SON: variants seen among roughly 807,000 people sequenced by gnomAD.
SON encodes SON DNA and RNA binding protein, also known as protein SON.
SON carries 4 observed loss-of-function variants against 173.3 expected under a neutral mutation model. That is an observed-to-expected ratio of 0.02 (90% CI 0.01 to 0.05). SON has a LOEUF of 0.05. Ranked by LOEUF, SON falls within the 10% of genes least tolerant of loss-of-function variation. The probability of loss-of-function intolerance (pLI) is 1.00; values close to 1 mark genes in which losing one functional copy is unlikely to be tolerated. For synonymous variants in SON, 1,190 were observed against 1,105.9 expected (o/e 1.08, Z -1.51); for missense variants, 2,626 against 3,055.3 (o/e 0.86, Z 3.31).
intron 6 of SON, among the ~76,000 whole-genome samples, chr21:33,562,343 T>C (rs1437093185): frequency 6.6e-6 from 1 of 152,238 alleles, no homozygotes; most frequent in African/African-American, 2.4e-5. Context: ...ATAGTTCTTT[T>C]AAATGGTCAA....
rs2085747161 is a variant in SON at position 33,550,545 on chromosome 21, G to A, written c.1314G>A (p.Leu438=). The A allele has an allele frequency of 1.2e-6, 2 of 1,614,022 alleles. No individual in the cohort carries two copies. Among genetic ancestry groups the A allele is most frequent in the Non-Finnish European group, 1.7e-6 (2 of 1,179,982 alleles). Reference sequence around the variant, plus strand: ...CCCCTGCGACAGCAGTGCCTGAGTTGCCAGGGCCCTCTGTGACACCAGTGC... The same window carrying A: ...CCCCTGCGACAGCAGTGCCTGAGTTACCAGGGCCCTCTGTGACACCAGTGC... ...PGPPATAVPE[L]PGPSVTPVPQ... is the part of the protein sequence containing the mutation. The change falls in exon 3 of 12, where the codon TTG becomes TTA. Residue 438 remains leucine, a synonymous_variant. Coordinates refer to ENST00000356577, the MANE Select transcript of SON (RefSeq NM_138927.4).
intron 2 of SON, among the ~76,000 whole-genome samples, chr21:33,547,819 AT>A (rs1400003791): frequency 5.7e-5 from 8 of 140,830 alleles, no homozygotes; most frequent in Non-Finnish European, 1.2e-4. Flanking sequence ...GGTTCACGCC[AT>A]TGTCCTGCCT....
At chr21:33,561,571 G>A (rs1332104031) in intron 6 of SON, among the ~76,000 whole-genome samples, 1 of 152,086 alleles carries the variant, frequency 6.6e-6, no homozygotes, top group Non-Finnish European at 1.5e-5. Flanking sequence ...GAATTTCTTC[G>A]GTTCAATCAT....
intron 1 of SON, chr21:33,543,504 C>T (rs1016594721): frequency 3.9e-5 from 12 of 307,868 alleles, no homozygotes; most frequent in African/African-American, 1.3e-4. Context: ...TAGTTCCTTC[C>T]TCAGCTCCTC....
chr21:33,555,901 G>T (rs1464786635), intron 3 of SON, among the ~76,000 whole-genome samples: 1 of 152,112 alleles, frequency 6.6e-6, no homozygotes, highest in Non-Finnish European at 1.5e-5. Flanking sequence ...TGCGTGTGGG[G>T]GTTATTTAAT....
At chr21:33,557,616 G>C (rs1170669375) in intron 4 of SON, 1 of 1,548,156 alleles carries the variant, frequency 6.5e-7, no homozygotes, top group African/African-American at 1.4e-5. Flanking sequence ...TGAGCAACAC[G>C]CAGAAGCTCG....
chr21:33,557,883 T>C (rs2085997812), intron 4 of SON: 2 of 323,176 alleles, frequency 6.2e-6, no homozygotes, highest in Non-Finnish European at 1.1e-5. Flanking sequence ...CAGTAACATA[T>C]ATATTTTAAA....
intron 3 of SON, among the ~76,000 whole-genome samples, chr21:33,556,530 T>C (rs2085969346): frequency 1.3e-5 from 2 of 151,790 alleles, no homozygotes; most frequent in South Asian, 4.1e-4. Context: ...CTGGCCAATG[T>C]GGAGAAACCC....
intron 9 of SON, among the ~76,000 whole-genome samples, chr21:33,575,322 C>T (rs149659509): frequency 1.3e-5 from 2 of 152,244 alleles, no homozygotes; most frequent in African/African-American, 4.8e-5. Flanking sequence ...AGGCATGAGC[C>T]ACTGTGCCTG....
rs572225212 is a variant in SON, at chr21:33,561,322, C to T, written c.6657+1547C>T. ...AAGGTTAACTGACATGTGCAGCTGA[C>T]TTAATCTTCTTGTAGTAGCTGAATA... On this transcript the variant is annotated intron_variant, in intron 6 of 11. Transcript: ENST00000356577. Among the ~76,000 whole-genome samples, 105 of 152,078 alleles carry T rather than the reference C, an allele frequency of 6.9e-4. 2 individuals are homozygous for T. In the South Asian group the frequency reaches 8.7e-3, roughly 13 times the overall value.
At chr21:33,564,859 C>T (rs1255466436) in intron 6 of SON, among the ~76,000 whole-genome samples, 3 of 75,812 alleles carry the variant, frequency 4.0e-5, no homozygotes, top group Admixed American at 3.0e-4. Context: ...GAAACTCCAT[C>T]TCAAAAAAAA....
intron 2 of SON, among the ~76,000 whole-genome samples, chr21:33,547,287 A>C (rs62227705): frequency 0.22 from 33,819 of 151,954 alleles, 4,473 homozygotes; most frequent in Non-Finnish European, 0.29. Context: ...CGGCTTGATT[A>C]AGTTTCTTAG....
chr21:33,551,130 AGGGCAGCCTGGGGCGCCAGAGTTGCCT>A lies in SON; in HGVS notation c.1910_1936del (p.Gly637_Pro645del), dbSNP rs903349086. 6.2e-7 allele frequency: 1 copy of A among 1,612,504 alleles called. No individual in the cohort carries two copies. The highest frequency in any genetic ancestry group is 8.5e-7 in the Non-Finnish European group (1 of 1,179,244). On this transcript the variant is annotated inframe_deletion, in exon 3 of 12. Coordinates refer to ENST00000356577, the MANE Select transcript of SON (RefSeq NM_138927.4). ...TGGCAACAGGGGTGCTGGAGTTGCC[AGGGCAGCCTGGGGCGCCAGAGTTGCCT>A]GGGCAGCCTGTGGCAACTGTGGCGC...
chr21:33,551,937 T>C lies in SON; in HGVS notation c.2706T>C (p.Asp902=), dbSNP rs16990760. 432,617 of 1,613,936 alleles carry C rather than the reference T, an allele frequency of 0.27. 60,535 individuals carry two copies. The highest frequency in any genetic ancestry group is 0.29 in the Non-Finnish European group (338,803 of 1,179,898). ...AGATGTTAGCGTCTAGTACCCAAGA[T>C]TCTGCTATGTTGGGTTCAAAATCTC... ...DAQMLASSTQ[D]SAMLGSKSPD... Residue 902 remains aspartate, a synonymous_variant, in exon 3 of 12, where the codon GAT becomes GAC. Coordinates refer to ENST00000356577, the MANE Select transcript of SON (RefSeq NM_138927.4).
Position 33,551,490 on chromosome 21 carries a change from C to A in SON, c.2259C>A (p.Ser753=). ...SQMLASNTMD[S]QMLASSTMDS... Reference sequence around the variant, plus strand: ...TGCTAGCATCCAACACCATGGACTCCCAGATGTTAGCGTCTAGCACCATGG... The same window carrying A: ...TGCTAGCATCCAACACCATGGACTCACAGATGTTAGCGTCTAGCACCATGG... The change falls in exon 3 of 12, where the codon TCC becomes TCA. Residue 753 remains serine, a synonymous_variant. Transcript: ENST00000356577. 2 of 1,614,106 alleles carry A rather than the reference C, an allele frequency of 1.2e-6. No homozygotes were observed. Among genetic ancestry groups the A allele is most frequent in the Non-Finnish European group, 8.5e-7 (1 of 1,179,996 alleles).
Position 33,557,214 on chromosome 21 carries a change from T to C in SON, c.6219T>C (p.Ala2073=), listed in dbSNP as rs1280013960. Residue 2073 remains alanine, a synonymous_variant, in exon 4 of 12, where the codon GCT becomes GCC. Coordinates refer to ENST00000356577, the MANE Select transcript of SON (RefSeq NM_138927.4). Reference sequence around the variant, plus strand: ...ATGCAGCTGCCATGTGTGCTAAGGCTGGTGTCCCTTTACCACCAAACCTAA... The same window carrying C: ...ATGCAGCTGCCATGTGTGCTAAGGCCGGTGTCCCTTTACCACCAAACCTAA... The part of the protein sequence containing the change: ...KANAAAMCAK[A]GVPLPPNLKP... The C allele has an allele frequency of 6.2e-7, 1 of 1,613,304 alleles. No individual in the cohort carries two copies. Among genetic ancestry groups the C allele is most frequent in the Non-Finnish European group, 8.5e-7 (1 of 1,179,892 alleles).
chr21:33,545,252 C>T (rs2085587850), intron 1 of SON, among the ~76,000 whole-genome samples: 1 of 152,084 alleles, frequency 6.6e-6, no homozygotes, highest in South Asian at 2.1e-4. Flanking sequence ...CAGTATGACA[C>T]TAGTAGTCAA....
At position 33,550,941 on chromosome 21, in the gene SON, A is replaced by G. The variant is rs781584679; in HGVS notation, c.1710A>G (p.Pro570=). The change falls in exon 3 of 12, where the codon CCA becomes CCG. Residue 570 remains proline, a synonymous_variant. Coordinates refer to ENST00000356577, the MANE Select transcript of SON (RefSeq NM_138927.4). ...GGCAGCCTTCGGTGACTGGGGTGCC[A>G]GAGTTGCCAGGGCTGCCTTCGGCAA... is the stretch of plus-strand genomic sequence containing the variant. ...LPGQPSVTGV[P]ELPGLPSATR... is the part of the protein sequence containing the mutation. The G allele has an allele frequency of 9.0e-5, 144 of 1,603,192 alleles. No individual in the cohort carries two copies. The highest frequency in any genetic ancestry group is 1.2e-4 in the Non-Finnish European group (140 of 1,173,256).
intron 2 of SON, 110 bp from the exon 3 acceptor site, chr21:33,549,366 C>T: frequency 1.1e-6 from 1 of 884,604 alleles, no homozygotes; most frequent in Non-Finnish European, 1.7e-6. Flanking sequence ...AGCCACTGTA[C>T]TTGGCCTGTA....
Sources: allele counts gnomAD v4.1 joint callset (sites outside exome capture counted in the v4.1 genomes callset), GRCh38; gene constraint gnomAD v4.1.1; transcripts MANE v1.5; gene names NCBI Gene and HGNC (gene_info 2026-07-23, HGNC 2026-07-21).